Variants in FAM217B observed in about 807,000 individuals in gnomAD.
FAM217B encodes protein FAM217B.
For missense variants in FAM217B, 463 were observed against 456.9 expected, an observed-to-expected ratio of 1.01 and a Z score of -0.12; for synonymous variants, 163 against 173.0, an observed-to-expected ratio of 0.94 and a Z score of 0.45.
At chr20:59,934,374 C>A (rs1388315833) in intron 1 of FAM217B, among the ~76,000 whole-genome samples, 1 of 152,244 alleles carries the variant, frequency 6.6e-6, no homozygotes, top group African/African-American at 2.4e-5. Context: ...GAGACAGGCA[C>A]AGCCGCGAAA....
At chr20:59,935,777 AAG>A (rs761396515), upstream of FAM217B, among the ~76,000 whole-genome samples, 10 of 152,352 alleles carry the variant, frequency 6.6e-5, no homozygotes, top group South Asian at 2.1e-3. Context: ...TCTCTCAAAA[AAG>A]AGAAATATCA....
upstream of FAM217B, among the ~76,000 whole-genome samples, chr20:59,935,872 A>T (rs151188318): frequency 6.2e-4 from 95 of 152,346 alleles, no homozygotes; most frequent in African/African-American, 2.2e-3. Context: ...ACAGGTAGAG[A>T]GAGCATTGAC....
chr20:59,935,933 T>C (rs1307709174), upstream of FAM217B, among the ~76,000 whole-genome samples: 2 of 152,186 alleles, frequency 1.3e-5, no homozygotes, highest in Non-Finnish European at 1.5e-5. Context: ...TATGGGACTT[T>C]AGGTGAATTA....
At position 59,945,071 on chromosome 20, in the gene FAM217B, G is replaced by A. The variant is rs762124678; in HGVS notation, c.1128G>A (p.Lys376=). The change falls in exon 4 of 4, where the codon AAG becomes AAA. Residue 376 remains lysine, a synonymous_variant. Coordinates refer to ENST00000360816, the MANE Select transcript of FAM217B (RefSeq NM_022106.3). ...AAAAACTGAAAACAAACGGAGTAAAGCAAAACACATATAAACTAAAATAAA... is the reference window on the plus strand; with the variant it reads ...AAAAACTGAAAACAAACGGAGTAAAACAAAACACATATAAACTAAAATAAA... ...SEKKLKTNGV[K]QNTYKLK The A allele has an allele frequency of 1.3e-5, 21 of 1,600,692 alleles. No homozygotes were observed. Among genetic ancestry groups the A allele is most frequent in the Non-Finnish European group, 1.8e-5 (21 of 1,175,870 alleles).
Position 59,944,567 on chromosome 20 carries a change from C to A in FAM217B, c.624C>A (p.Pro208=). The A allele has an allele frequency of 6.2e-7, 1 of 1,613,976 alleles. No individual in the cohort carries two copies. Among genetic ancestry groups the A allele is most frequent in the Non-Finnish European group, 8.5e-7 (1 of 1,179,998 alleles). Reference sequence around the variant, plus strand: ...AAGCAAAGGGGGGCAAAGCAAGGCCCCCCACTGCCCCTGGGACCTCAGGGG... The same window carrying A: ...AAGCAAAGGGGGGCAAAGCAAGGCCACCCACTGCCCCTGGGACCTCAGGGG... The part of the protein sequence containing the change: ...CEKAKGGKAR[P]PTAPGTSGAL... The change falls in exon 4 of 4, where the codon CCC becomes CCA. Residue 208 remains proline (P), a synonymous_variant. Transcript: ENST00000360816.
chr20:59,939,895 C>A (rs1308700448), upstream of FAM217B: 3 of 1,253,934 alleles, frequency 2.4e-6, no homozygotes, highest in African/African-American at 4.6e-5. Flanking sequence ...GATCCCAGGG[C>A]GCTAGGCAGG....
chr20:59,939,006 C>G, upstream of FAM217B: 1 of 1,490,454 alleles, frequency 6.7e-7, no homozygotes, highest in African/African-American at 1.4e-5. Flanking sequence ...GGTGTGGAGG[C>G]TCCAGGTGGC....
intron 1 of FAM217B, among the ~76,000 whole-genome samples, chr20:59,941,912 G>GGAGA (rs149313847): frequency 2.0e-5 from 3 of 151,506 alleles, no homozygotes; most frequent in Non-Finnish European, 3.0e-5. Flanking sequence ...GTGTGAACAG[G>GGAGA]GAGAGAGAGA....
Position 59,944,702 on chromosome 20 carries a change from C to G in FAM217B, c.759C>G (p.His253Gln). The part of the protein sequence containing the change: ...KSGPSRKKAF[H>Q]HEEIHPSHYA... ...GCCCTTCCCGAAAGAAAGCTTTTCA[C>G]CATGAAGAAATCCACCCATCACATT... The change falls in exon 4 of 4, where the codon CAC (histidine) becomes CAG (glutamine). Residue 253 changes from histidine (H) to glutamine (Q), a missense_variant. Physicochemically the swap from His to Gln is conservative, Grantham distance 24 (BLOSUM62 0). Coordinates refer to ENST00000360816, the MANE Select transcript of FAM217B (RefSeq NM_022106.3). 4 of 1,614,160 alleles carry G rather than the reference C, an allele frequency of 2.5e-6. No individual in the cohort carries two copies. Among genetic ancestry groups the G allele is most frequent in the Non-Finnish European group, 3.4e-6 (4 of 1,180,036 alleles).
chr20:59,940,055 C>T, upstream of FAM217B: 1 of 810,310 alleles, frequency 1.2e-6, no homozygotes, highest in Non-Finnish European at 1.7e-6. Flanking sequence ...GGGGACCTCT[C>T]GGGCCCGGTG....
chr20:59,939,651 C>A (rs1478957258), upstream of FAM217B: 3 of 1,524,310 alleles, frequency 2.0e-6, no homozygotes, highest in Admixed American at 6.2e-5. Context: ...GCAGCCCGGC[C>A]GACACGCAGC....
chr20:59,938,972 G>C (rs1569004964), upstream of FAM217B: 1 of 1,426,388 alleles, frequency 7.0e-7, no homozygotes, highest in Non-Finnish European at 9.2e-7. Flanking sequence ...AGCCCAGCAG[G>C]GAAATGACAG....
chr20:59,939,007 T>C, upstream of FAM217B: 1 of 1,490,692 alleles, frequency 6.7e-7, no homozygotes, highest in Non-Finnish European at 8.9e-7. Flanking sequence ...GTGTGGAGGC[T>C]CCAGGTGGCC....
intron 1 of FAM217B, among the ~76,000 whole-genome samples, chr20:59,941,300 T>G (rs1370888677): frequency 6.6e-6 from 1 of 152,252 alleles, no homozygotes; most frequent in Admixed American, 6.5e-5. Context: ...AGGGGGTTGA[T>G]TCAAGAACAT....
At position 59,944,699 on chromosome 20, in the gene FAM217B, T is replaced by C; in HGVS notation, c.756T>C (p.Phe252=). 1 of 1,614,158 alleles carries C rather than the reference T, an allele frequency of 6.2e-7. No homozygotes were observed. Among genetic ancestry groups the C allele is most frequent in the Non-Finnish European group, 8.5e-7 (1 of 1,180,012 alleles). Residue 252 remains phenylalanine, a synonymous_variant, in exon 4 of 4, where the codon TTT becomes TTC. Transcript: ENST00000360816. Reference sequence around the variant, plus strand: ...CAGGCCCTTCCCGAAAGAAAGCTTTTCACCATGAAGAAATCCACCCATCAC... The same window carrying C: ...CAGGCCCTTCCCGAAAGAAAGCTTTCCACCATGAAGAAATCCACCCATCAC... ...SKSGPSRKKA[F]HHEEIHPSHY...
rs1213689386 is a variant in FAM217B, at chr20:59,945,863, C to T, written c.*768C>T. 3 of 166,894 alleles carry T rather than the reference C, an allele frequency of 1.8e-5. No individual in the cohort carries two copies. The highest frequency in any genetic ancestry group is 7.2e-5 in the African/African-American group (3 of 41,388). The allele number at this position is 166,894 out of a possible 1,614,324, so 10.3% of individuals were successfully genotyped here. A position where few individuals can be genotyped will look rare whatever the true frequency, so the allele number is the denominator to read the frequency against. On this transcript the variant is annotated 3_prime_UTR_variant, in exon 4 of 4. Coordinates refer to ENST00000360816, the MANE Select transcript of FAM217B (RefSeq NM_022106.3). The stretch of plus-strand genomic sequence containing the variant: ...GTCAATGGGCTTAGCATGATTACTG[C>T]TGTTTGGTGGGGCTGAGAATGAAAT...
intron 1 of FAM217B, among the ~76,000 whole-genome samples, chr20:59,934,116 C>A (rs909248242): frequency 6.6e-6 from 1 of 152,104 alleles, no homozygotes; most frequent in African/African-American, 2.4e-5. Flanking sequence ...GCGAGCTGGA[C>A]CGGGGGACCA....
Position 59,944,788 on chromosome 20 carries a change from A to C in FAM217B, c.845A>C (p.Gln282Pro). ...CTTGGTGGTACCAGGTTTTGTTCTCAGAGGCAAACCCTTGAAATGAGGACA... is the reference window on the plus strand; with the variant it reads ...CTTGGTGGTACCAGGTTTTGTTCTCCGAGGCAAACCCTTGAAATGAGGACA... ...DVLGGTRFCS[Q>P]RQTLEMRTEE... The change falls in exon 4 of 4, where the codon CAG (glutamine) becomes CCG (proline). Residue 282 changes from glutamine (Q) to proline (P), a missense_variant. Coordinates refer to ENST00000360816, the MANE Select transcript of FAM217B (RefSeq NM_022106.3). 6.2e-7 allele frequency: 1 copy of C among 1,614,218 alleles called. No individual in the cohort carries two copies.
upstream of FAM217B, chr20:59,940,191 A>G (rs562277384): frequency 1.2e-3 from 420 of 359,278 alleles, 1 homozygote; most frequent in Non-Finnish European, 1.9e-3. Context: ...GCCTCCCGGG[A>G]GCGCAGGGTA....
Sources: gnomAD v4.1 joint callset for allele counts (sites outside exome capture counted in the v4.1 genomes callset) on GRCh38, gnomAD v4.1.1 for gene constraint, MANE v1.5 for transcripts, NCBI Gene and HGNC (gene_info 2026-07-23, HGNC 2026-07-21) for gene names.